ASAP1: variants seen among roughly 807,000 people sequenced by gnomAD.
ASAP1 encodes the protein ArfGAP with SH3 domain, ankyrin repeat and PH domain 1, also known as arf-GAP with SH3 domain, ANK repeat and PH domain-containing protein 1.
In ASAP1, 43 loss-of-function variants were observed where a neutral mutation model predicts 145.2. The observed-to-expected ratio is 0.30, with a 90% CI of 0.23 to 0.38. The LOEUF is 0.38. ASAP1 is among the 10% of genes least tolerant of loss of function. ASAP1 has a pLI of 1.00. For missense variants in ASAP1, 1,018 were observed against 1,355.3 expected, an observed-to-expected ratio of 0.75 and a Z score of 3.91; for synonymous variants, 546 against 515.5, an observed-to-expected ratio of 1.06 and a Z score of -0.80.
chr8:130,336,890 CCA>C (rs1270010003), intron 3 of ASAP1, among the ~76,000 whole-genome samples: 1 of 152,124 alleles, frequency 6.6e-6, no homozygotes, highest in African/African-American at 2.4e-5. Context: ...CCAAACAGCT[CCA>C]GTCTCATAAA....
At position 130,352,212 on chromosome 8, in the gene ASAP1, GT is replaced by G. The variant is rs11420981; in HGVS notation, c.186+5804del. ...GATTTTAGCTAAATCCTTCCTAAGG[GT>G]TTTTTTTTTTTTTTTTTAAGACTAC... On this transcript the variant is annotated intron_variant, in intron 3 of 29. Coordinates refer to ENST00000518721, the MANE Select transcript of ASAP1 (RefSeq NM_018482.4). Among the ~76,000 whole-genome samples, 665 of 139,640 alleles carry G rather than the reference GT, an allele frequency of 4.8e-3. 4 individuals are homozygous for G. Among genetic ancestry groups the G allele is most frequent in the Middle Eastern group, 0.015 (4 of 272 alleles). The allele number at this position is 139,640 out of a possible 152,430, so 91.6% of individuals were successfully genotyped here. A position where few individuals can be genotyped will look rare whatever the true frequency, so the allele number is the denominator to read the frequency against.
chr8:130,416,862 C>T (rs370437731), intron 1 of ASAP1, among the ~76,000 whole-genome samples: 5 of 152,220 alleles, frequency 3.3e-5, no homozygotes, highest in African/African-American at 1.2e-4. Flanking sequence ...TCTGGTATCA[C>T]GGCAGCCTGA....
Position 130,358,612 on chromosome 8 carries a change from G to C in ASAP1, c.60-469C>G, listed in dbSNP as rs866067666. ...TGACTGACTGAGCGCACACTCCCGC[G>C]GCGGGCGGGCGGGCGGGCGGCGCTC... On this transcript the variant is annotated intron_variant, in intron 2 of 29. Coordinates refer to ENST00000518721, the MANE Select transcript of ASAP1 (RefSeq NM_018482.4). The surrounding 1 kb of genome is among the most constrained non-coding windows in gnomAD (Gnocchi z 4.1). 1.4e-5 allele frequency among the ~76,000 whole-genome samples: 2 copies of C among 145,592 alleles called. No homozygotes were observed. Among genetic ancestry groups the C allele is most frequent in the African/African-American group, 5.0e-5 (2 of 40,066 alleles).
intron 7 of ASAP1, among the ~76,000 whole-genome samples, chr8:130,183,321 T>G (rs1274777737): frequency 6.6e-6 from 1 of 151,998 alleles, no homozygotes; most frequent in Non-Finnish European, 1.5e-5. Context: ...CCTTCAACAT[T>G]TAGAGATAAA....
At chr8:130,379,609 G>A (rs533405425) in intron 2 of ASAP1, among the ~76,000 whole-genome samples, 96 of 152,252 alleles carry the variant, frequency 6.3e-4, no homozygotes, top group African/African-American at 2.0e-3. Flanking sequence ...CATGTAGTTC[G>A]GGTAGGAAAA....
rs926323446 is a variant in ASAP1, at chr8:130,168,238, C to G, written c.823-616G>C. Among the ~76,000 whole-genome samples, 4 of 152,210 alleles carry G rather than the reference C, an allele frequency of 2.6e-5. 1 individual carries two copies. The highest frequency in any genetic ancestry group is 6.5e-5 in the Admixed American group (1 of 15,292). ...TAATATATACGCTTTTATTTACCCC[C>G]AAATGATTTTTGGGCAACAACTTTA... On this transcript the variant is annotated intron_variant, in intron 10 of 29. Transcript: ENST00000518721.
In ASAP1 at chr8:130,294,240, C is replaced by T. The variant is rs187738798; in HGVS notation, c.187-57246G>A. Among the ~76,000 whole-genome samples, 463 of 152,278 alleles carry T rather than the reference C, an allele frequency of 3.0e-3. 1 individual carries two copies. The highest frequency in any genetic ancestry group is 6.8e-3 in the Middle Eastern group (2 of 294). The stretch of plus-strand genomic sequence containing the variant: ...AGTTCTGTGACTTGGAACTAGTTCT[C>T]GATGTACTCATAAGACTTTCGAGGT... On this transcript the variant is annotated intron_variant, in intron 3 of 29. Coordinates refer to ENST00000518721, the MANE Select transcript of ASAP1 (RefSeq NM_018482.4).
At chr8:130,091,740 G>T (rs1021688866) in intron 25 of ASAP1, among the ~76,000 whole-genome samples, 2 of 152,204 alleles carry the variant, frequency 1.3e-5, no homozygotes, top group Non-Finnish European at 2.9e-5. Context: ...TTATAATTGA[G>T]TAAGATTTAG....
At chr8:130,091,470 G>C (rs1055861502) in intron 25 of ASAP1, among the ~76,000 whole-genome samples, 4 of 152,224 alleles carry the variant, frequency 2.6e-5, no homozygotes, top group Non-Finnish European at 5.9e-5. Context: ...CCTGAAGATA[G>C]AGTGGCAGGA....
chr8:130,317,043 C>CTCA lies in ASAP1; in HGVS notation c.186+40973_186+40974insTGA, dbSNP rs10657960. On this transcript the variant is annotated intron_variant, in intron 3 of 29. Transcript: ENST00000518721. ...CCCTACTATCATTTGGTACATTATA[C>CTCA]ACCTTGAGACTCATTCCTATTTTGC... is the stretch of plus-strand genomic sequence containing the variant. 8.4e-3 allele frequency among the ~76,000 whole-genome samples: 1,265 copies of CTCA among 151,472 alleles called. 19 individuals are homozygous for CTCA. Among genetic ancestry groups the CTCA allele is most frequent in the African/African-American group, 0.029 (1,217 of 41,290 alleles).
chr8:130,261,463 G>A (rs564068998), intron 3 of ASAP1, among the ~76,000 whole-genome samples: 48 of 152,320 alleles, frequency 3.2e-4, no homozygotes, highest in African/African-American at 1.1e-3. Context: ...GACTAGAAGG[G>A]AGATGTAGGG....
At chr8:130,054,851 G>C (rs1255227942) in intron 29 of ASAP1, 46 bp from the exon 30 acceptor site, 1 of 1,527,076 alleles carries the variant, frequency 6.5e-7, no homozygotes, top group African/African-American at 1.4e-5. Context: ...AGCAGGCAGT[G>C]GCCCCACGAC....
At chr8:130,269,505 T>C (rs945105606) in intron 3 of ASAP1, among the ~76,000 whole-genome samples, 1 of 152,266 alleles carries the variant, frequency 6.6e-6, no homozygotes, top group African/African-American at 2.4e-5. Context: ...GTTAAACTTA[T>C]GTCCCAACAG....
chr8:130,260,422 GACTA>G (rs1416945763), intron 3 of ASAP1, among the ~76,000 whole-genome samples: 1 of 152,104 alleles, frequency 6.6e-6, no homozygotes. Flanking sequence ...CCATCTTACT[GACTA>G]ACAGAGCTGG....
chr8:130,281,576 T>C (rs1821247321), intron 3 of ASAP1, among the ~76,000 whole-genome samples: 1 of 152,150 alleles, frequency 6.6e-6, no homozygotes, highest in African/African-American at 2.4e-5. Context: ...TTATCCAAAG[T>C]GTAAAAAATA....
At chr8:130,072,824 T>TGTGTGTGCGCGCGCGCGCGCGCGCGC in intron 27 of ASAP1, among the ~76,000 whole-genome samples, 3 of 32,282 alleles carry the variant, frequency 9.3e-5, no homozygotes, top group East Asian at 2.4e-3. Flanking sequence ...TGTGTGTGTG[T>TGTGTGTGCGCGCGCGCGCGCGCGCGC]GCGCGCGGGG....
intron 2 of ASAP1, among the ~76,000 whole-genome samples, chr8:130,396,475 T>C (rs988792228): frequency 2.0e-4 from 30 of 152,254 alleles, no homozygotes; most frequent in African/African-American, 7.0e-4. Context: ...AACTGAAGTA[T>C]AGTCAATGCT....
chr8:130,320,234 T>C (rs1823914982), intron 3 of ASAP1, among the ~76,000 whole-genome samples: 1 of 152,184 alleles, frequency 6.6e-6, no homozygotes. Flanking sequence ...AGCATATATG[T>C]CATGTGCCTC....
chr8:130,258,040 A>T (rs1308268656), intron 3 of ASAP1, among the ~76,000 whole-genome samples: 1 of 152,170 alleles, frequency 6.6e-6, no homozygotes, highest in Non-Finnish European at 1.5e-5. Flanking sequence ...AATTTAAAAG[A>T]TCAGCTTTTC....
Sources: gnomAD v4.1 joint callset for allele counts (sites outside exome capture counted in the v4.1 genomes callset) on GRCh38, gnomAD v4.1.1 for gene constraint, Gnocchi (gnomAD v3.1) non-coding constraint, MANE v1.5 for transcripts, NCBI Gene and HGNC (gene_info 2026-07-23, HGNC 2026-07-21) for gene names.